Variants in GABBR2 observed in about 807,000 individuals in gnomAD.
GABBR2 encodes gamma-aminobutyric acid type B receptor subunit 2, also known as G-protein coupled receptor 51.
Under a neutral mutation model 105.6 loss-of-function variants are expected in GABBR2, and 23 were observed. That is an observed-to-expected ratio of 0.22 (90% CI 0.16 to 0.31). The LOEUF is 0.31. GABBR2 is among the 10% of genes least tolerant of loss of function. GABBR2 has a pLI of 1.00. For synonymous variants in GABBR2, 478 were observed against 499.7 expected (o/e 0.96, Z 0.58); for missense variants, 734 against 1,245.5 (o/e 0.59, Z 6.18).
chr9:98,658,330 T>C (rs1830209233), intron 1 of GABBR2, among the ~76,000 whole-genome samples: 1 of 152,132 alleles, frequency 6.6e-6, no homozygotes, highest in Non-Finnish European at 1.5e-5. Context: ...GGCATCCCTA[T>C]TTATTTATAA....
chr9:98,484,070 T>C (rs1826988013), intron 4 of GABBR2, among the ~76,000 whole-genome samples: 1 of 152,182 alleles, frequency 6.6e-6, no homozygotes. Context: ...TGCACTAATA[T>C]CTGACCAACC....
intron 11 of GABBR2, among the ~76,000 whole-genome samples, chr9:98,381,700 C>A (rs530730101): frequency 1.6e-4 from 25 of 152,278 alleles, no homozygotes; most frequent in Admixed American, 2.6e-4. Flanking sequence ...GCCTTGACTG[C>A]AAATAAATTA....
chr9:98,382,709 C>T (rs759600368), intron 11 of GABBR2, among the ~76,000 whole-genome samples: 11 of 152,186 alleles, frequency 7.2e-5, no homozygotes, highest in Non-Finnish European at 1.3e-4. Flanking sequence ...TCACTTTCCT[C>T]GTTTAACTTC....
chr9:98,501,127 C>T (rs1036795935), intron 3 of GABBR2, among the ~76,000 whole-genome samples: 6 of 37,676 alleles, frequency 1.6e-4, no homozygotes, highest in African/African-American at 1.1e-3. Flanking sequence ...GAACCACTGC[C>T]CCCCCCCCTT....
chr9:98,638,899 A>G (rs1196180430), intron 1 of GABBR2, among the ~76,000 whole-genome samples: 1 of 152,246 alleles, frequency 6.6e-6, no homozygotes, highest in Non-Finnish European at 1.5e-5. Flanking sequence ...ATGCACACTT[A>G]CACATAGACA....
intron 1 of GABBR2, among the ~76,000 whole-genome samples, chr9:98,621,151 C>T (rs576684551): frequency 2.0e-5 from 3 of 152,318 alleles, no homozygotes; most frequent in South Asian, 2.1e-4. Flanking sequence ...CTGTTGAAGG[C>T]ATGGCAGTCC....
chr9:98,357,477 G>A (rs1377461281), intron 13 of GABBR2, among the ~76,000 whole-genome samples: 2 of 151,990 alleles, frequency 1.3e-5, no homozygotes, highest in East Asian at 1.9e-4. Context: ...AGGAAACTCC[G>A]TCTTTACAAA....
intron 17 of GABBR2, among the ~76,000 whole-genome samples, chr9:98,297,345 T>A (rs1830397503): frequency 6.6e-6 from 1 of 152,228 alleles, no homozygotes. Flanking sequence ...GCATGGTGGC[T>A]TATGCCTGTA....
chr9:98,379,970 CT>C (rs879488907), intron 11 of GABBR2, among the ~76,000 whole-genome samples: 166 of 144,892 alleles, frequency 1.1e-3, no homozygotes, highest in African/African-American at 2.3e-3. Context: ...ACTTAGTTGA[CT>C]TTTTTTTTTT....
intron 2 of GABBR2, among the ~76,000 whole-genome samples, chr9:98,555,148 T>G (rs1828563097): frequency 6.6e-6 from 1 of 152,226 alleles, no homozygotes; most frequent in African/African-American, 2.4e-5. Flanking sequence ...TTACAAGAAC[T>G]AAGTTAGGAG....
chr9:98,684,502 T>C (rs1830596044), intron 1 of GABBR2, among the ~76,000 whole-genome samples: 1 of 152,198 alleles, frequency 6.6e-6, no homozygotes, highest in African/African-American at 2.4e-5. Flanking sequence ...AAGTATGCAT[T>C]TCCCTTCCCA....
At chr9:98,565,552 T>C (rs1226547120) in intron 2 of GABBR2, among the ~76,000 whole-genome samples, 2 of 152,130 alleles carry the variant, frequency 1.3e-5, no homozygotes, top group Non-Finnish European at 2.9e-5. Context: ...CAAGACCACA[T>C]AGCTCATCCC....
intron 1 of GABBR2, among the ~76,000 whole-genome samples, chr9:98,690,145 T>C (rs936481840): frequency 6.6e-6 from 1 of 150,508 alleles, no homozygotes; most frequent in African/African-American, 2.5e-5. Flanking sequence ...ATCCCAGATA[T>C]GCCTTTCTTA....
At chr9:98,365,109 G>A (rs1178177270) in intron 12 of GABBR2, among the ~76,000 whole-genome samples, 1 of 152,172 alleles carries the variant, frequency 6.6e-6, no homozygotes, top group African/African-American at 2.4e-5. Context: ...AAAGGACACA[G>A]GTTTTGGAAG....
At chr9:98,385,796 A>AT (rs746937928) in intron 10 of GABBR2, 24 bp from the exon 11 acceptor site, 2 of 1,590,118 alleles carry the variant, frequency 1.3e-6, no homozygotes, top group East Asian at 4.5e-5. Context: ...GAGACAATAG[A>AT]TTTAACAGAA....
At chr9:98,556,802 T>C (rs1828593257) in intron 2 of GABBR2, among the ~76,000 whole-genome samples, 2 of 152,304 alleles carry the variant, frequency 1.3e-5, no homozygotes, top group South Asian at 2.1e-4. Flanking sequence ...CCCAGCACTT[T>C]GGGAGGCTGA....
chr9:98,674,677 G>C (rs1830452467), intron 1 of GABBR2, among the ~76,000 whole-genome samples: 2 of 152,174 alleles, frequency 1.3e-5, no homozygotes, highest in Non-Finnish European at 2.9e-5. Context: ...GAGACAAGAA[G>C]AGAGGCTACA....
intron 1 of GABBR2, among the ~76,000 whole-genome samples, chr9:98,625,392 C>T (rs928305217): frequency 6.6e-6 from 1 of 152,252 alleles, no homozygotes; most frequent in Non-Finnish European, 1.5e-5. Flanking sequence ...TCATACCCAG[C>T]GTGGCCCAGG....
intron 11 of GABBR2, among the ~76,000 whole-genome samples, chr9:98,376,925 C>A (rs1267507449): frequency 6.6e-6 from 1 of 152,102 alleles, no homozygotes; most frequent in Non-Finnish European, 1.5e-5. Context: ...CTGAAAGGCA[C>A]CCCGTCTGGG....
Sources: gnomAD v4.1 joint callset for allele counts (sites outside exome capture counted in the v4.1 genomes callset) on GRCh38, gnomAD v4.1.1 for gene constraint, MANE v1.5 for transcripts, NCBI Gene and HGNC (gene_info 2026-07-23, HGNC 2026-07-21) for gene names.